Variants in NRXN3 observed in about 807,000 individuals in gnomAD.
NRXN3 encodes the protein neurexin 3, also known as neurexin III.
Under a neutral mutation model 137.6 loss-of-function variants are expected in NRXN3, and 32 were observed. The observed-to-expected ratio is 0.23, with a 90% confidence interval of 0.18 to 0.31. NRXN3 has a LOEUF of 0.31. Among genes scored for constraint, NRXN3 ranks in the 10% least tolerant of loss-of-function variants. NRXN3 has a pLI of 1.00. For missense variants in NRXN3, 1,574 were observed against 2,062.5 expected (o/e 0.76, Z 4.59); for synonymous variants, 798 against 784.5 (o/e 1.02, Z -0.29).
At chr14:78,960,943 A>C (rs1285404585) in intron 11 of NRXN3, among the ~76,000 whole-genome samples, 1 of 152,166 alleles carries the variant, frequency 6.6e-6, no homozygotes, top group African/African-American at 2.4e-5. Context: ...CTTTATTGCC[A>C]GGCTTATTAG....
At chr14:79,828,015 C>G (rs1314768149) in intron 20 of NRXN3, among the ~76,000 whole-genome samples, 6 of 151,758 alleles carry the variant, frequency 4.0e-5, no homozygotes, top group Non-Finnish European at 8.8e-5. Context: ...TTTTATATGA[C>G]CGGATCTCAC....
intron 15 of NRXN3, among the ~76,000 whole-genome samples, chr14:79,143,929 G>A (rs1176957380): frequency 6.6e-6 from 1 of 152,108 alleles, no homozygotes; most frequent in Non-Finnish European, 1.5e-5. Flanking sequence ...AAATATTACA[G>A]TCGTCCCATG....
At chr14:78,496,661 T>C (rs1190578099) in intron 4 of NRXN3, among the ~76,000 whole-genome samples, 2 of 151,968 alleles carry the variant, frequency 1.3e-5, no homozygotes, top group Non-Finnish European at 2.9e-5. Context: ...TTTTATAGTA[T>C]GTTAGAAGAT....
chr14:78,554,498 G>A (rs1414937223), intron 4 of NRXN3, among the ~76,000 whole-genome samples: 1 of 152,176 alleles, frequency 6.6e-6, no homozygotes, highest in Non-Finnish European at 1.5e-5. Flanking sequence ...GTGTCTCTGA[G>A]TCACTCCAGT....
intron 15 of NRXN3, among the ~76,000 whole-genome samples, chr14:79,095,134 G>A (rs1279615152): frequency 6.6e-6 from 1 of 152,010 alleles, no homozygotes; most frequent in Non-Finnish European, 1.5e-5. Flanking sequence ...ATGCTAATGT[G>A]GCTGTCCTCT....
At chr14:79,035,943 G>C (rs2099615265) in intron 15 of NRXN3, among the ~76,000 whole-genome samples, 1 of 152,020 alleles carries the variant, frequency 6.6e-6, no homozygotes, top group Non-Finnish European at 1.5e-5. Flanking sequence ...TAGAATTTTA[G>C]TATCTAGTTA....
At chr14:79,130,284 T>C (rs2152957522) in intron 15 of NRXN3, among the ~76,000 whole-genome samples, 1 of 152,324 alleles carries the variant, frequency 6.6e-6, no homozygotes. Flanking sequence ...CGATGGTCTT[T>C]ACATTTTGGC....
intron 4 of NRXN3, among the ~76,000 whole-genome samples, chr14:78,360,077 C>T (rs1188302887): frequency 1.3e-5 from 2 of 152,196 alleles, no homozygotes. Context: ...CATTCCTTAA[C>T]TCTTTGCAGC....
intron 15 of NRXN3, among the ~76,000 whole-genome samples, chr14:79,399,366 G>A (rs917014182): frequency 2.0e-5 from 3 of 152,134 alleles, no homozygotes; most frequent in Non-Finnish European, 4.4e-5. Context: ...TTTCCAAGGT[G>A]TGCTTCATCT....
chr14:78,490,554 G>C (rs949781725), intron 4 of NRXN3, among the ~76,000 whole-genome samples: 1 of 152,084 alleles, frequency 6.6e-6, no homozygotes, highest in Non-Finnish European at 1.5e-5. Context: ...TGCATCTGGT[G>C]GTGGGGAGCT....
intron 19 of NRXN3, among the ~76,000 whole-genome samples, chr14:79,749,799 T>A (rs574249684): frequency 6.6e-6 from 1 of 152,256 alleles, no homozygotes; most frequent in African/African-American, 2.4e-5. Context: ...ATTGCATGTC[T>A]GAATACATTC....
At chr14:79,802,695 C>A (rs906928170) in intron 19 of NRXN3, among the ~76,000 whole-genome samples, 10 of 152,164 alleles carry the variant, frequency 6.6e-5, no homozygotes, top group African/African-American at 2.4e-4. Flanking sequence ...CTTACCAGCT[C>A]CTTTCCCTAA....
At chr14:79,279,000 C>A (rs1288486445) in intron 15 of NRXN3, among the ~76,000 whole-genome samples, 1 of 152,236 alleles carries the variant, frequency 6.6e-6, no homozygotes, top group Non-Finnish European at 1.5e-5. Context: ...CCTTAGCCGC[C>A]GCCCTTACTT....
chr14:78,332,211 G>A (rs1330486888), intron 4 of NRXN3, among the ~76,000 whole-genome samples: 5 of 152,056 alleles, frequency 3.3e-5, no homozygotes, highest in African/African-American at 1.2e-4. Flanking sequence ...GCAAACCCTC[G>A]ATAAATATCT....
intron 19 of NRXN3, among the ~76,000 whole-genome samples, chr14:79,736,668 G>A (rs764400855): frequency 1.4e-4 from 22 of 152,214 alleles, no homozygotes; most frequent in Non-Finnish European, 2.6e-4. Context: ...GGCTGTGAAG[G>A]CCCCAAGTTC....
chr14:78,292,309 G>A (rs140393375), intron 3 of NRXN3, among the ~76,000 whole-genome samples: 143 of 152,328 alleles, frequency 9.4e-4, no homozygotes, highest in African/African-American at 3.3e-3. Flanking sequence ...AGGGCCTTAC[G>A]TGTACTTTGC....
intron 2 of NRXN3, among the ~76,000 whole-genome samples, chr14:78,269,258 C>T (rs1018379922): frequency 6.6e-6 from 1 of 152,110 alleles, no homozygotes; most frequent in East Asian, 1.9e-4. Flanking sequence ...TATTATTCAG[C>T]CTTAAAAAGG....
chr14:79,446,853 C>T (rs976858858), intron 15 of NRXN3, among the ~76,000 whole-genome samples: 1 of 152,206 alleles, frequency 6.6e-6, no homozygotes, highest in Admixed American at 6.5e-5. Flanking sequence ...GAACACCTAA[C>T]TGTGAGATCT....
At chr14:78,800,574 T>C (rs1033978309) in intron 8 of NRXN3, among the ~76,000 whole-genome samples, 2 of 152,248 alleles carry the variant, frequency 1.3e-5, no homozygotes, top group East Asian at 1.9e-4. Flanking sequence ...AATCGCTTTA[T>C]AGTTTGCAAA....
Sources: gnomAD v4.1 joint callset for allele counts (sites outside exome capture counted in the v4.1 genomes callset) on GRCh38, gnomAD v4.1.1 for gene constraint, MANE v1.5 for transcripts, NCBI Gene and HGNC (gene_info 2026-07-23, HGNC 2026-07-21) for gene names.